Variants in HIVEP3 observed in about 807,000 individuals in gnomAD.
HIVEP3 encodes HIVEP zinc finger 3, also known as transcription factor HIVEP3.
Under a neutral mutation model 152.8 loss-of-function variants are expected in HIVEP3, and 49 were observed. The ratio of observed to expected loss-of-function variants is 0.32; its 90% CI spans 0.26 to 0.41. The LOEUF (loss-of-function observed/expected upper bound fraction) is 0.41, where lower values mean the gene tolerates loss of function less well. Ranked by LOEUF, HIVEP3 falls within the 10% of genes least tolerant of loss-of-function variation. HIVEP3 has a pLI of 1.00. For missense variants in HIVEP3, 2,790 were observed against 3,103.3 expected, an observed-to-expected ratio of 0.90 and a Z score of 2.40; for synonymous variants, 1,269 against 1,289.0, an observed-to-expected ratio of 0.98 and a Z score of 0.33.
chr1:41,798,892 G>A lies in HIVEP3; in HGVS notation c.-800-97897C>T, dbSNP rs188584765. 3.2e-3 allele frequency among the ~76,000 whole-genome samples: 494 copies of A among 152,290 alleles called. 3 individuals carry two copies. Among genetic ancestry groups the A allele is most frequent in the Non-Finnish European group, 5.0e-3 (340 of 68,038 alleles). Reference sequence around the variant, plus strand: ...AAAATTATTAAAGTGCTTGACTCTTGTAATATCATGTAGGGTTGGGTTATG... The same window carrying A: ...AAAATTATTAAAGTGCTTGACTCTTATAATATCATGTAGGGTTGGGTTATG... On this transcript the variant is annotated intron_variant, in intron 1 of 8. Coordinates refer to ENST00000372583, the MANE Select transcript of HIVEP3 (RefSeq NM_024503.5).
intron 3 of HIVEP3, among the ~76,000 whole-genome samples, chr1:41,612,586 A>T (rs1367621075): frequency 2.6e-5 from 4 of 152,236 alleles, no homozygotes; most frequent in Non-Finnish European, 5.9e-5. Flanking sequence ...CTGGATCCAC[A>T]GCTCAGGACT....
At chr1:41,824,925 G>A (rs925221321) in intron 1 of HIVEP3, among the ~76,000 whole-genome samples, 2 of 151,694 alleles carry the variant, frequency 1.3e-5, no homozygotes, top group African/African-American at 2.4e-5. Flanking sequence ...ACAGGCTGGA[G>A]GGCAATGGCA....
chr1:42,013,974 A>AG (rs1465685797), intron 1 of HIVEP3, among the ~76,000 whole-genome samples: 2 of 152,346 alleles, frequency 1.3e-5, no homozygotes, highest in East Asian at 3.9e-4. Context: ...CAAAGTTTCA[A>AG]GCAGCATCCG....
intron 1 of HIVEP3, among the ~76,000 whole-genome samples, chr1:41,953,153 C>A (rs1206553744): frequency 6.6e-6 from 1 of 152,204 alleles, no homozygotes; most frequent in Non-Finnish European, 1.5e-5. Flanking sequence ...ACTTCCTCAG[C>A]CTTGAAAACT....
intron 1 of HIVEP3, among the ~76,000 whole-genome samples, chr1:41,751,520 T>A (rs569349370): frequency 5.3e-5 from 8 of 151,826 alleles, no homozygotes; most frequent in Non-Finnish European, 1.0e-4. Context: ...CCCAGGAGGA[T>A]GTGGTGAGGA....
At chr1:41,768,437 G>A (rs1172108007) in intron 1 of HIVEP3, among the ~76,000 whole-genome samples, 1 of 152,190 alleles carries the variant, frequency 6.6e-6, no homozygotes, top group African/African-American at 2.4e-5. Context: ...AATTCAAGAT[G>A]ATATTTGGGT....
chr1:41,559,415 A>G (rs1644021789), intron 5 of HIVEP3, among the ~76,000 whole-genome samples: 1 of 152,196 alleles, frequency 6.6e-6, no homozygotes, highest in Admixed American at 6.5e-5. Context: ...TGTATTTCCT[A>G]TAGCCGAGGC....
intron 2 of HIVEP3, among the ~76,000 whole-genome samples, chr1:41,666,112 GGTGTGTGTGCGT>G (rs1367150396): frequency 7.0e-6 from 1 of 143,298 alleles, no homozygotes; most frequent in African/African-American, 2.8e-5. Flanking sequence ...TCCTGTTTGG[GGTGTGTGTGCGT>G]GTGTGTGTGT....
chr1:41,741,646 T>A (rs1646998060), intron 1 of HIVEP3, among the ~76,000 whole-genome samples: 2 of 152,328 alleles, frequency 1.3e-5, no homozygotes, highest in African/African-American at 4.8e-5. Context: ...GCCACCTGGA[T>A]CTGCTGCCTA....
At chr1:41,805,134 C>T (rs1439929213) in intron 1 of HIVEP3, among the ~76,000 whole-genome samples, 6 of 152,202 alleles carry the variant, frequency 3.9e-5, no homozygotes, top group South Asian at 2.1e-4. Context: ...GTCAGAAGTT[C>T]GAGACCAGCC....
At chr1:41,769,271 C>A (rs1420863833) in intron 1 of HIVEP3, among the ~76,000 whole-genome samples, 1 of 152,256 alleles carries the variant, frequency 6.6e-6, no homozygotes, top group African/African-American at 2.4e-5. Context: ...CTCAGCCCAT[C>A]TGGCCAACCC....
At chr1:41,529,528 AC>A (rs1262573344) in intron 5 of HIVEP3, among the ~76,000 whole-genome samples, 1 of 64,326 alleles carries the variant, frequency 1.6e-5, no homozygotes, top group African/African-American at 6.9e-5. Flanking sequence ...TGACACCCCT[AC>A]CCTCACACAC....
At chr1:41,953,022 T>C (rs777390187) in intron 1 of HIVEP3, among the ~76,000 whole-genome samples, 9 of 152,318 alleles carry the variant, frequency 5.9e-5, no homozygotes, top group Non-Finnish European at 1.0e-4. Context: ...GTCCCCTGCC[T>C]GTCCCCAACT....
intron 2 of HIVEP3, among the ~76,000 whole-genome samples, chr1:41,637,749 T>C (rs1645299097): frequency 6.6e-6 from 1 of 152,222 alleles, no homozygotes; most frequent in African/African-American, 2.4e-5. Context: ...TACATTTCCA[T>C]ACTGTTCTTT....
At chr1:41,567,341 G>A (rs1366504015) in intron 5 of HIVEP3, among the ~76,000 whole-genome samples, 1 of 152,190 alleles carries the variant, frequency 6.6e-6, no homozygotes, top group Non-Finnish European at 1.5e-5. Context: ...TCTTCGTGCT[G>A]CCCTGACAAC....
At chr1:41,674,942 C>T (rs1009890322) in intron 2 of HIVEP3, among the ~76,000 whole-genome samples, 1 of 152,144 alleles carries the variant, frequency 6.6e-6, no homozygotes, top group African/African-American at 2.4e-5. Context: ...CACACAGGTC[C>T]CATCCTCTGC....
chr1:42,012,972 T>G (rs1034561718), intron 1 of HIVEP3, among the ~76,000 whole-genome samples: 2 of 152,212 alleles, frequency 1.3e-5, no homozygotes, highest in Admixed American at 6.5e-5. Flanking sequence ...GGCAAAACTT[T>G]ATGCCTTGTG....
At chr1:41,589,663 TG>T (rs1406220730) in intron 3 of HIVEP3, among the ~76,000 whole-genome samples, 4 of 152,122 alleles carry the variant, frequency 2.6e-5, no homozygotes, top group Non-Finnish European at 5.9e-5. Flanking sequence ...GAATCTGCCT[TG>T]GGCTCTAGAC....
chr1:41,626,459 G>A (rs1226673630), intron 3 of HIVEP3, among the ~76,000 whole-genome samples: 1 of 152,198 alleles, frequency 6.6e-6, no homozygotes, highest in African/African-American at 2.4e-5. Context: ...CAAGCAGCTG[G>A]CTGAGCCCAC....
Sources: allele counts gnomAD v4.1 joint callset (sites outside exome capture counted in the v4.1 genomes callset), GRCh38; gene constraint gnomAD v4.1.1; transcripts MANE v1.5; gene names NCBI Gene and HGNC (gene_info 2026-07-23, HGNC 2026-07-21).